Variants in ABHD5 observed in about 807,000 individuals in gnomAD.
ABHD5 encodes abhydrolase domain containing 5, lysophosphatidic acid acyltransferase, also known as 1-acylglycerol-3-phosphate O-acyltransferase ABHD5.
In ABHD5, 30 loss-of-function variants were observed where a neutral mutation model predicts 44.9. That is an observed-to-expected ratio of 0.67 (90% CI 0.50 to 0.91). The LOEUF is 0.91. Among genes scored for constraint, ABHD5 ranks in the 40% least tolerant of loss-of-function variants. The pLI is 0.00. For missense variants in ABHD5, 399 were observed against 423.4 expected (o/e 0.94, Z 0.50); for synonymous variants, 167 against 147.0 (o/e 1.14, Z -0.99).
intron 1 of ABHD5, chr3:43,695,053 A>G (rs994274915): frequency 1.3e-5 from 2 of 152,344 alleles, no homozygotes; most frequent in Middle Eastern, 3.4e-3. Context: ...TGCTGGGACT[A>G]TAGGCATGTG....
At chr3:43,717,959 G>A (rs900914338) in intron 6 of ABHD5, 102 bp downstream of exon 6, 3 of 1,464,386 alleles carry the variant, frequency 2.0e-6, no homozygotes, top group Non-Finnish European at 2.9e-6. Context: ...CAGGTCATCT[G>A]AGCCATACCT....
Position 43,691,031 on chromosome 3 carries a change from C to T in ABHD5, c.39C>T (p.Thr13=), listed in dbSNP as rs140969259. 5.0e-3 allele frequency: 7,824 copies of T among 1,560,302 alleles called. 33 individuals are homozygous for T. Among genetic ancestry groups the T allele is most frequent in the Non-Finnish European group, 5.3e-3 (6,141 of 1,155,516 alleles). Residue 13 remains threonine, a synonymous_variant, in exon 1 of 7, where the codon ACC becomes ACT. Transcript: ENST00000644371. The part of the protein sequence containing the change: ...AEEEEVDSAD[T]GERSGWLTGW... The stretch of plus-strand genomic sequence containing the variant: ...AGGAGGAGGTGGACTCTGCCGACAC[C>T]GGAGAGAGGTAAGCGCAGCCGGCAG...
chr3:43,727,944 T>C (rs1315270761), intron 7 of ABHD5, among the ~76,000 whole-genome samples: 2 of 152,120 alleles, frequency 1.3e-5, no homozygotes, highest in Non-Finnish European at 2.9e-5. Context: ...AGGCCCCAAA[T>C]GTAGCTGGAA....
chr3:43,702,813 A>G (rs1004334712), intron 3 of ABHD5, among the ~76,000 whole-genome samples: 3 of 152,182 alleles, frequency 2.0e-5, no homozygotes, highest in African/African-American at 7.2e-5. Flanking sequence ...AGGGGTTTCT[A>G]TTTGTTAAGC....
chr3:43,690,871 G>A, upstream of ABHD5: 2 of 1,125,670 alleles, frequency 1.8e-6, no homozygotes, highest in Non-Finnish European at 2.4e-6. Context: ...GGCCGTGCTA[G>A]TGCGCGGAAG....
At chr3:43,694,325 TTG>T (rs2084443676) in intron 1 of ABHD5, among the ~76,000 whole-genome samples, 3 of 152,020 alleles carry the variant, frequency 2.0e-5, no homozygotes, top group East Asian at 3.9e-4. Context: ...AATCATTGCC[TTG>T]ACTAATTGTT....
At chr3:43,693,897 T>C (rs2084435526) in intron 1 of ABHD5, among the ~76,000 whole-genome samples, 1 of 152,130 alleles carries the variant, frequency 6.6e-6, no homozygotes, top group South Asian at 2.1e-4. Flanking sequence ...TGGAGCCCTC[T>C]TCTGTACTCT....
intron 3 of ABHD5, among the ~76,000 whole-genome samples, chr3:43,703,062 A>G (rs17075885): frequency 0.014 from 2,159 of 152,212 alleles, 59 homozygotes; most frequent in African/African-American, 0.05. Flanking sequence ...AGAAAATACA[A>G]CTTCATAGCA....
chr3:43,723,450 A>G (rs954581034), downstream of ABHD5, among the ~76,000 whole-genome samples: 4 of 152,216 alleles, frequency 2.6e-5, no homozygotes, highest in Non-Finnish European at 4.4e-5. Context: ...GATGAGAAGC[A>G]TTTATTTGGT....
At chr3:43,726,753 A>C (rs564129609), downstream of ABHD5, among the ~76,000 whole-genome samples, 13 of 152,332 alleles carry the variant, frequency 8.5e-5, no homozygotes, top group East Asian at 2.5e-3. Flanking sequence ...TGCCTGAGTC[A>C]TCAAGGCTGC....
downstream of ABHD5, among the ~76,000 whole-genome samples, chr3:43,724,104 A>G (rs931674775): frequency 5.9e-5 from 9 of 152,186 alleles, no homozygotes; most frequent in African/African-American, 1.4e-4. Context: ...TGTACGGTCT[A>G]TGCTATTTCT....
intron 7 of ABHD5, among the ~76,000 whole-genome samples, chr3:43,730,281 T>A (rs2149612902): frequency 6.6e-6 from 1 of 152,288 alleles, no homozygotes; most frequent in Non-Finnish European, 1.5e-5. Flanking sequence ...CACACCAGCC[T>A]TCTCCTGAGG....
At chr3:43,706,197 T>C (rs1178096342) in intron 3 of ABHD5, among the ~76,000 whole-genome samples, 1 of 152,200 alleles carries the variant, frequency 6.6e-6, no homozygotes, top group African/African-American at 2.4e-5. Flanking sequence ...TCTGGTGCAA[T>C]AGAGCAGTCC....
chr3:43,706,475 T>C lies in ABHD5; in HGVS notation c.506+3888T>C, dbSNP rs117837541. ...TGGACTTTGAGAATGTTACCTTTTT[T>C]TTTTTTCTTAGAGATGGGGTCTTAC... On this transcript the variant is annotated intron_variant, in intron 3 of 6. Coordinates refer to ENST00000644371, the MANE Select transcript of ABHD5 (RefSeq NM_016006.6). Among the ~76,000 whole-genome samples, 176 of 152,212 alleles carry C rather than the reference T, an allele frequency of 1.2e-3. 2 individuals carry two copies. The East Asian group carries it at 0.029, about 25-fold the overall frequency.
At chr3:43,704,033 C>CTTTTT (rs10544525) in intron 3 of ABHD5, among the ~76,000 whole-genome samples, 19 of 84,850 alleles carry the variant, frequency 2.2e-4, no homozygotes, top group East Asian at 1.0e-3. Context: ...TCTTTATTTT[C>CTTTTT]TTTTTTTTTT....
downstream of ABHD5, among the ~76,000 whole-genome samples, chr3:43,723,544 G>C (rs1216774834): frequency 6.6e-6 from 1 of 152,146 alleles, no homozygotes; most frequent in Non-Finnish European, 1.5e-5. Flanking sequence ...CTGTTGTGTT[G>C]CAATAGCAAC....
At chr3:43,713,251 A>C (rs1259274146) in intron 4 of ABHD5, among the ~76,000 whole-genome samples, 1 of 140,708 alleles carries the variant, frequency 7.1e-6, no homozygotes, top group Non-Finnish European at 1.5e-5. Context: ...CAAACCTGGG[A>C]GGTGGAGGTT....
chr3:43,717,926 G>T (rs2149606703), intron 6 of ABHD5, 69 bp downstream of exon 6: 3 of 1,595,880 alleles, frequency 1.9e-6, no homozygotes, highest in Admixed American at 1.7e-5. Context: ...CCTTAAAAGA[G>T]GTTTTAGGTC....
intron 3 of ABHD5, among the ~76,000 whole-genome samples, chr3:43,709,699 CCT>C (rs1207520367): frequency 1.3e-5 from 2 of 152,086 alleles, no homozygotes; most frequent in African/African-American, 2.4e-5. Context: ...TACTCATACC[CCT>C]GTTAGGCCTC....
Sources: gnomAD v4.1 joint callset for allele counts (sites outside exome capture counted in the v4.1 genomes callset) on GRCh38, gnomAD v4.1.1 for gene constraint, MANE v1.5 for transcripts, NCBI Gene and HGNC (gene_info 2026-07-23, HGNC 2026-07-21) for gene names.